The following GABRR3 variants were observed in gnomAD, a reference collection of about 807,000 sequenced individuals.
GABRR3 encodes gamma-aminobutyric acid type A receptor subunit rho3.
GABRR3 carries 29 observed loss-of-function variants against 43.2 expected under a neutral mutation model. That is an observed-to-expected ratio of 0.67 (90% CI 0.50 to 0.92). The LOEUF (loss-of-function observed/expected upper bound fraction) is 0.92, where lower values mean the gene tolerates loss of function less well. Ranked by LOEUF, GABRR3 falls within the 40% of genes least tolerant of loss-of-function variation. GABRR3 has a pLI of 0.00. For synonymous variants in GABRR3, 206 were observed against 195.9 expected (o/e 1.05, Z -0.43); for missense variants, 576 against 572.3 (o/e 1.01, Z -0.07).
intron 8 of GABRR3, 83 bp downstream of exon 8, chr3:98,001,532 C>T: frequency 2.1e-6 from 3 of 1,429,022 alleles, no homozygotes; most frequent in Admixed American, 1.9e-5. Context: ...ACTCTCTTTT[C>T]CTCTCCATGT....
intron 5 of GABRR3, among the ~76,000 whole-genome samples, chr3:98,009,974 G>T (rs1706767418): frequency 6.6e-6 from 1 of 152,186 alleles, no homozygotes; most frequent in Non-Finnish European, 1.5e-5. Context: ...AATGACCAAA[G>T]AGGCTAGGTG....
At chr3:97,986,680 C>G, downstream of GABRR3, 1 of 1,498,146 alleles carries the variant, frequency 6.7e-7, no homozygotes, top group Non-Finnish European at 9.0e-7. Context: ...TTGAAATTCC[C>G]CTTCATACAT....
chr3:98,024,388 A>AG (rs1286169976), intron 3 of GABRR3, among the ~76,000 whole-genome samples: 1 of 151,406 alleles, frequency 6.6e-6, no homozygotes, highest in East Asian at 2.0e-4. Flanking sequence ...AAAAAAAAAA[A>AG]AAGAACAGGA....
chr3:98,032,665 CT>C (rs1707102147), intron 2 of GABRR3, among the ~76,000 whole-genome samples: 1 of 151,948 alleles, frequency 6.6e-6, no homozygotes, highest in Non-Finnish European at 1.5e-5. Context: ...TTTTTAAAGT[CT>C]TTAGGTTTTG....
chr3:98,012,638 A>T, intron 4 of GABRR3, 71 bp from the exon 5 acceptor site: 1 of 1,024,976 alleles, frequency 9.8e-7, no homozygotes, highest in South Asian at 1.4e-5. Flanking sequence ...CAACACTGTT[A>T]GTCCCAGGAC....
chr3:98,012,598 C>G, intron 4 of GABRR3, 31 bp from the exon 5 acceptor site: 1 of 1,168,078 alleles, frequency 8.6e-7, no homozygotes, highest in Non-Finnish European at 1.3e-6. Context: ...ACCAAAAAAA[C>G]CAGTAGGAAT....
intron 8 of GABRR3, among the ~76,000 whole-genome samples, chr3:97,993,545 A>G (rs952883163): frequency 6.6e-6 from 1 of 152,034 alleles, no homozygotes; most frequent in African/African-American, 2.4e-5. Flanking sequence ...GCTATTCTCT[A>G]TATTATCCTT....
chr3:98,017,828 T>A, intron 3 of GABRR3, 106 bp from the exon 4 acceptor site: 1 of 745,970 alleles, frequency 1.3e-6, no homozygotes. Context: ...GAATTACTGT[T>A]AAAGTTTTTT....
At chr3:97,997,516 G>A (rs1055943694) in intron 8 of GABRR3, 5 of 152,076 alleles carry the variant, frequency 3.3e-5, no homozygotes, top group African/African-American at 1.2e-4. Context: ...ACTTTACACA[G>A]TAAAATAAGG....
chr3:97,986,993 A>T lies in GABRR3; in HGVS notation c.1105-11T>A, dbSNP rs531019754. 16 of 1,530,998 alleles carry T rather than the reference A, an allele frequency of 1.0e-5. No homozygotes were observed. In the African/African-American group the frequency reaches 1.9e-4, roughly 19 times the overall value. 94.8% of individuals were successfully genotyped at this position (1,530,998 alleles called of 1,614,324 possible). ...GTACATCCTAGAAATCTGTCAAAAA[A>T]CTTTTTTTTAAAGTAGGTCTTGAAT... On this transcript the variant is annotated splice_polypyrimidine_tract_variant and intron_variant, in intron 9 of 9. Coordinates refer to ENST00000621172, the Ensembl canonical transcript of GABRR3.
At chr3:97,994,764 T>C (rs1164811774) in intron 8 of GABRR3, among the ~76,000 whole-genome samples, 1 of 151,966 alleles carries the variant, frequency 6.6e-6, no homozygotes, top group African/African-American at 2.4e-5. Context: ...AAGCTCAGAG[T>C]GGCTAAGGGA....
At chr3:98,017,301 C>T (rs989795618) in intron 4 of GABRR3, among the ~76,000 whole-genome samples, 1 of 152,142 alleles carries the variant, frequency 6.6e-6, no homozygotes, top group Admixed American at 6.5e-5. Context: ...ATTTTACAGG[C>T]AAGGACTCAT....
chr3:97,986,484 A>G (rs1318256267), downstream of GABRR3, among the ~76,000 whole-genome samples: 1 of 152,056 alleles, frequency 6.6e-6, no homozygotes, highest in Non-Finnish European at 1.5e-5. Flanking sequence ...CATGCCTATG[A>G]CTCTTATTTA....
At chr3:98,001,757 ATTG>A in exon 8 of GABRR3, 1 of 1,613,098 alleles carries the variant, frequency 6.2e-7, no homozygotes, top group South Asian at 1.1e-5. Flanking sequence ...TGAAAAGCCT[ATTG>A]TACCAACCTG....
intron 2 of GABRR3, among the ~76,000 whole-genome samples, chr3:98,034,283 T>C (rs1369797585): frequency 6.6e-6 from 1 of 152,126 alleles, no homozygotes; most frequent in Non-Finnish European, 1.5e-5. Context: ...GAGGTCACTC[T>C]CACAGATAGC....
intron 2 of GABRR3, among the ~76,000 whole-genome samples, chr3:98,029,137 G>T (rs1290511444): frequency 6.6e-6 from 1 of 152,188 alleles, no homozygotes; most frequent in Non-Finnish European, 1.5e-5. Context: ...ATCAGGCAAA[G>T]AAATCTCAAT....
At chr3:98,029,669 T>A (rs977812220) in intron 2 of GABRR3, among the ~76,000 whole-genome samples, 1 of 152,144 alleles carries the variant, frequency 6.6e-6, no homozygotes, top group Non-Finnish European at 1.5e-5. Context: ...ACGAAGAGAC[T>A]AGTTACCCAA....
intron 3 of GABRR3, among the ~76,000 whole-genome samples, chr3:98,020,457 C>CAAAAAAA (rs745684367): frequency 6.0e-5 from 6 of 100,566 alleles, no homozygotes; most frequent in South Asian, 3.6e-4. Context: ...GTCCAATCTT[C>CAAAAAAA]AAAAAAAAAA....
intron 2 of GABRR3, among the ~76,000 whole-genome samples, chr3:98,031,570 C>T (rs1296824535): frequency 6.6e-6 from 1 of 151,872 alleles, no homozygotes; most frequent in Non-Finnish European, 1.5e-5. Flanking sequence ...CATAGACAGA[C>T]CCAATCTCTA....
Sources: allele counts gnomAD v4.1 joint callset (sites outside exome capture counted in the v4.1 genomes callset), GRCh38; gene constraint gnomAD v4.1.1; transcripts MANE v1.5; gene names NCBI Gene and HGNC (gene_info 2026-07-23, HGNC 2026-07-21).